Variants in BICC1 observed in about 807,000 individuals in gnomAD.
The protein encoded by BICC1 is BicC family RNA binding protein 1, also known as protein bicaudal C homolog 1.
In BICC1, 43 loss-of-function variants were observed where a neutral mutation model predicts 111.0. That is an observed-to-expected ratio of 0.39 (90% CI 0.30 to 0.50). The LOEUF is 0.50. BICC1 is among the 20% of genes least tolerant of loss of function. The pLI, the probability that BICC1 is intolerant of heterozygous loss-of-function variation, is 0.88. For synonymous variants in BICC1, 467 were observed against 434.4 expected (o/e 1.07, Z -0.93); for missense variants, 1,091 against 1,203.2 (o/e 0.91, Z 1.38).
At chr10:58,818,546 ATAGTTTTTAC>A (rs1844166095) in intron 19 of BICC1, among the ~76,000 whole-genome samples, 2 of 152,180 alleles carry the variant, frequency 1.3e-5, no homozygotes, top group Admixed American at 1.3e-4. Flanking sequence ...TAAAGAATCT[ATAGTTTTTAC>A]TAGGCACTTT....
At chr10:58,548,635 C>T (rs1589086457) in intron 1 of BICC1, among the ~76,000 whole-genome samples, 1 of 152,116 alleles carries the variant, frequency 6.6e-6, no homozygotes, top group Non-Finnish European at 1.5e-5. Context: ...TTTATTCAAC[C>T]CTCACCCCTT....
chr10:58,633,405 T>G (rs1310586234), intron 2 of BICC1, among the ~76,000 whole-genome samples: 2 of 152,264 alleles, frequency 1.3e-5, no homozygotes, highest in Non-Finnish European at 2.9e-5. Flanking sequence ...GCAGTATAGT[T>G]GCTTTGCAGC....
At chr10:58,806,664 G>C in intron 16 of BICC1, 41 bp downstream of exon 16, 1 of 1,504,206 alleles carries the variant, frequency 6.6e-7, no homozygotes, top group Non-Finnish European at 9.2e-7. Flanking sequence ...CTATATTTTA[G>C]TACACTCATA....
rs142513054 is a variant in BICC1 at position 58,811,214 on chromosome 10, G to A, written c.2377-2616G>A. 3.4e-3 allele frequency among the ~76,000 whole-genome samples: 523 copies of A among 152,228 alleles called. 3 individuals carry two copies. Among genetic ancestry groups the A allele is most frequent in the African/African-American group, 0.012 (513 of 41,542 alleles). On this transcript the variant is annotated intron_variant, in intron 17 of 20. Coordinates refer to ENST00000373886, the MANE Select transcript of BICC1 (RefSeq NM_001080512.3). ...GGCTGCTTTGACCTGCAGTAACTGTGTCACATCAATAAAGCTACAAAGAGG... is the reference window on the plus strand; with the variant it reads ...GGCTGCTTTGACCTGCAGTAACTGTATCACATCAATAAAGCTACAAAGAGG...
At chr10:58,767,950 G>A (rs947576483) in intron 3 of BICC1, among the ~76,000 whole-genome samples, 3 of 151,994 alleles carry the variant, frequency 2.0e-5, no homozygotes, top group Non-Finnish European at 4.4e-5. Context: ...TGGGATTTAT[G>A]CGATACCATC....
chr10:58,666,441 T>C (rs1839012962), intron 2 of BICC1, among the ~76,000 whole-genome samples: 1 of 152,224 alleles, frequency 6.6e-6, no homozygotes, highest in African/African-American at 2.4e-5. Flanking sequence ...TCTCAGGCCA[T>C]ATTTAGTTTG....
intron 1 of BICC1, among the ~76,000 whole-genome samples, chr10:58,520,572 G>A (rs907609990): frequency 6.6e-6 from 1 of 152,070 alleles, no homozygotes; most frequent in African/African-American, 2.4e-5. Context: ...ACACTTTCTA[G>A]GTATCAGGTG....
At chr10:58,743,428 C>G (rs1026284534) in intron 3 of BICC1, among the ~76,000 whole-genome samples, 1 of 150,638 alleles carries the variant, frequency 6.6e-6, no homozygotes, top group African/African-American at 2.4e-5. Context: ...CTCTTCCCCT[C>G]TCTCTAAATT....
intron 2 of BICC1, among the ~76,000 whole-genome samples, chr10:58,638,815 T>C (rs567216821): frequency 3.3e-5 from 5 of 152,170 alleles, no homozygotes; most frequent in African/African-American, 1.2e-4. Context: ...ACTAAGCATA[T>C]GGTCTCTAAA....
chr10:58,585,366 T>C (rs1844401100), intron 1 of BICC1, among the ~76,000 whole-genome samples: 1 of 152,148 alleles, frequency 6.6e-6, no homozygotes, highest in South Asian at 2.1e-4. Context: ...TAAGGACGGG[T>C]GCTATCATTA....
intron 15 of BICC1, among the ~76,000 whole-genome samples, chr10:58,804,256 C>T (rs533232817): frequency 2.6e-5 from 4 of 152,096 alleles, no homozygotes; most frequent in Non-Finnish European, 5.9e-5. Context: ...TGGCTCACAC[C>T]TATATTCTCA....
intron 2 of BICC1, among the ~76,000 whole-genome samples, chr10:58,641,657 T>C (rs996260189): frequency 6.6e-6 from 1 of 152,166 alleles, no homozygotes; most frequent in Non-Finnish European, 1.5e-5. Context: ...TCATTTGTAT[T>C]TTAGGAAACT....
At chr10:58,601,008 A>G (rs2132071471) in intron 1 of BICC1, among the ~76,000 whole-genome samples, 1 of 151,630 alleles carries the variant, frequency 6.6e-6, no homozygotes, top group African/African-American at 2.4e-5. Context: ...GTGTTGTTTA[A>G]GGGTCAACTA....
Position 58,560,502 on chromosome 10 carries a change from A to G in BICC1, c.190+47169A>G, listed in dbSNP as rs543454277. Among the ~76,000 whole-genome samples the G allele has an allele frequency of 4.6e-5, 7 of 151,950 alleles. No individual in the cohort carries two copies. In the East Asian group the frequency reaches 1.4e-3, roughly 29 times the overall value. Reference sequence around the variant, plus strand: ...TTATTGATTCTGTTTATCTCTTCAAACAACTGTATTTCGATTTCATTGATC... The same window carrying G: ...TTATTGATTCTGTTTATCTCTTCAAGCAACTGTATTTCGATTTCATTGATC... On this transcript the variant is annotated intron_variant, in intron 1 of 20. Coordinates refer to ENST00000373886, the MANE Select transcript of BICC1 (RefSeq NM_001080512.3).
intron 1 of BICC1, among the ~76,000 whole-genome samples, chr10:58,524,477 T>C (rs937419615): frequency 1.3e-5 from 2 of 152,170 alleles, no homozygotes; most frequent in Non-Finnish European, 2.9e-5. Flanking sequence ...TAAATGGTGC[T>C]GGGAAAACTG....
chr10:58,802,499 T>A (rs913936233), intron 14 of BICC1, among the ~76,000 whole-genome samples: 5 of 152,232 alleles, frequency 3.3e-5, no homozygotes, highest in Non-Finnish European at 7.3e-5. Context: ...TTCACATATT[T>A]GCTGCTCTAA....
chr10:58,764,866 G>A (rs1297056112), intron 3 of BICC1, among the ~76,000 whole-genome samples: 1 of 152,108 alleles, frequency 6.6e-6, no homozygotes. Flanking sequence ...GGTTATATGA[G>A]AAACAGGTTT....
At chr10:58,798,893 CTT>C (rs1843445493) in intron 11 of BICC1, among the ~76,000 whole-genome samples, 161 bp from the exon 12 acceptor site, 1 of 152,098 alleles carries the variant, frequency 6.6e-6, no homozygotes. Context: ...TTTTAACACT[CTT>C]TTGTGTTTTT....
chr10:58,590,208 A>G (rs1046301466), intron 1 of BICC1, among the ~76,000 whole-genome samples: 1 of 152,126 alleles, frequency 6.6e-6, no homozygotes, highest in Non-Finnish European at 1.5e-5. Flanking sequence ...TTTGTCTTTT[A>G]TACATAAGTT....
Sources: allele counts gnomAD v4.1 joint callset (sites outside exome capture counted in the v4.1 genomes callset), GRCh38; gene constraint gnomAD v4.1.1; transcripts MANE v1.5; gene names NCBI Gene and HGNC (gene_info 2026-07-23, HGNC 2026-07-21).